ANKH: variants seen among roughly 807,000 people sequenced by gnomAD.
ANKH encodes the protein mineralization regulator ANKH.
ANKH carries 15 observed loss-of-function variants against 49.0 expected under a neutral mutation model. The observed-to-expected ratio is 0.31, with a 90% CI of 0.20 to 0.47. ANKH has a LOEUF of 0.47. Among genes scored for constraint, ANKH ranks in the 20% least tolerant of loss-of-function variants. The pLI is 1.00. For synonymous variants in ANKH, 273 were observed against 260.0 expected (o/e 1.05, Z -0.48); for missense variants, 429 against 652.0 (o/e 0.66, Z 3.72).
At chr5:14,730,782 T>C (rs1737973577) in intron 8 of ANKH, among the ~76,000 whole-genome samples, 1 of 152,192 alleles carries the variant, frequency 6.6e-6, no homozygotes, top group Non-Finnish European at 1.5e-5. Context: ...GCGTTTCCTT[T>C]CCCTGTGCCT....
chr5:14,869,607 C>G (rs563785836), intron 1 of ANKH: 41 of 152,348 alleles, frequency 2.7e-4, no homozygotes, highest in Admixed American at 2.6e-3. Context: ...GATAAACCAT[C>G]TGGATAGTTG....
intron 1 of ANKH, among the ~76,000 whole-genome samples, chr5:14,803,191 C>A (rs886294320): frequency 6.6e-6 from 1 of 152,172 alleles, no homozygotes; most frequent in African/African-American, 2.4e-5. Context: ...GTTTGAAAGC[C>A]CCTCCTGCAA....
chr5:14,740,379 G>A (rs908905591), intron 8 of ANKH, among the ~76,000 whole-genome samples: 1 of 152,196 alleles, frequency 6.6e-6, no homozygotes, highest in Non-Finnish European at 1.5e-5. Flanking sequence ...AGGGAACTAT[G>A]GAAAAGCTTG....
At chr5:14,751,535 A>T (rs978873403) in intron 4 of ANKH, among the ~76,000 whole-genome samples, 2 of 152,252 alleles carry the variant, frequency 1.3e-5, no homozygotes, top group Non-Finnish European at 2.9e-5. Context: ...CTTTAAAAAA[A>T]TTTATGCAAT....
At chr5:14,736,618 G>A (rs1738192615) in intron 8 of ANKH, among the ~76,000 whole-genome samples, 1 of 151,932 alleles carries the variant, frequency 6.6e-6, no homozygotes, top group African/African-American at 2.4e-5. Context: ...CTCTTTTTCT[G>A]ACCAGTCTCT....
At chr5:14,853,824 T>C (rs1488773086) in intron 1 of ANKH, among the ~76,000 whole-genome samples, 1 of 152,094 alleles carries the variant, frequency 6.6e-6, no homozygotes, top group African/African-American at 2.4e-5. Flanking sequence ...CATAAACCCA[T>C]ACAAGGAAGC....
At chr5:14,721,929 CAAAAAAAAA>C (rs35821509) in intron 8 of ANKH, among the ~76,000 whole-genome samples, 9 of 59,456 alleles carry the variant, frequency 1.5e-4, no homozygotes, top group Admixed American at 4.8e-4. Flanking sequence ...GACTCCGTCT[CAAAAAAAAA>C]AAAAAAAAAA....
chr5:14,793,101 T>G (rs1314266075), intron 1 of ANKH, among the ~76,000 whole-genome samples: 2 of 135,668 alleles, frequency 1.5e-5, no homozygotes, highest in African/African-American at 2.7e-5. Context: ...AAATATTTAT[T>G]TATTTATATA....
intron 1 of ANKH, among the ~76,000 whole-genome samples, chr5:14,796,271 G>A (rs1436407119): frequency 2.0e-5 from 3 of 151,284 alleles, no homozygotes; most frequent in African/African-American, 7.3e-5. Flanking sequence ...CACCCAAAAT[G>A]GAGATGGCAT....
At position 14,755,786 on chromosome 5, in the gene ANKH, T is replaced by C; in HGVS notation, c.516+75A>G. 5 of 1,383,184 alleles carry C rather than the reference T, an allele frequency of 3.6e-6. No individual in the cohort carries two copies. The South Asian group carries it at 4.7e-5, about 13-fold the overall frequency. 85.7% of individuals were successfully genotyped at this position (1,383,184 alleles called of 1,614,324 possible). On this transcript the variant is annotated intron_variant, in intron 4 of 11. Transcript: ENST00000284268. ...CAGAGTGTACTGCACAGTGAATGAA[T>C]ATAAATCACACATCAGTTACACACG...
At chr5:14,795,391 C>T (rs1740340971) in intron 1 of ANKH, among the ~76,000 whole-genome samples, 1 of 152,160 alleles carries the variant, frequency 6.6e-6, no homozygotes, top group South Asian at 2.1e-4. Context: ...AGAGAGATCC[C>T]TACAATAATA....
chr5:14,834,663 C>T (rs1741604062), intron 1 of ANKH, among the ~76,000 whole-genome samples: 1 of 152,026 alleles, frequency 6.6e-6, no homozygotes, highest in African/African-American at 2.4e-5. Flanking sequence ...CACCTGTAAT[C>T]CCAGCTACTC....
intron 1 of ANKH, among the ~76,000 whole-genome samples, chr5:14,831,494 A>G (rs1741505104): frequency 1.3e-5 from 2 of 152,124 alleles, no homozygotes; most frequent in Non-Finnish European, 2.9e-5. Flanking sequence ...GCTGAAACTG[A>G]TATCATCCAC....
intron 1 of ANKH, among the ~76,000 whole-genome samples, chr5:14,845,533 T>C (rs1741934173): frequency 6.6e-6 from 1 of 152,164 alleles, no homozygotes; most frequent in Non-Finnish European, 1.5e-5. Flanking sequence ...TGACAGGGAC[T>C]TCTGAGTCCC....
chr5:14,832,556 T>C (rs1186100337), intron 1 of ANKH, among the ~76,000 whole-genome samples: 2 of 152,212 alleles, frequency 1.3e-5, no homozygotes, highest in Non-Finnish European at 2.9e-5. Context: ...TCAAGTCACC[T>C]AGAAAACACA....
chr5:14,829,309 C>A (rs1741439904), intron 1 of ANKH, among the ~76,000 whole-genome samples: 1 of 151,986 alleles, frequency 6.6e-6, no homozygotes, highest in Non-Finnish European at 1.5e-5. Context: ...AAGGCTTACC[C>A]AGAAATACTT....
At chr5:14,744,535 A>G (rs1040702658) in intron 7 of ANKH, among the ~76,000 whole-genome samples, 1 of 151,672 alleles carries the variant, frequency 6.6e-6, no homozygotes, top group African/African-American at 2.4e-5. Flanking sequence ...CTGATGGGGA[A>G]GTGGGAGCAG....
At chr5:14,757,430 A>ATATATATATATATTTTTTTTT (rs1379233165) in intron 3 of ANKH, among the ~76,000 whole-genome samples, 2 of 113,816 alleles carry the variant, frequency 1.8e-5, no homozygotes, top group African/African-American at 6.6e-5. Flanking sequence ...ATATATATAT[A>ATATATATATATATTTTTTTTT]TTTTTTTTTT....
intron 8 of ANKH, among the ~76,000 whole-genome samples, chr5:14,740,533 A>T (rs1013830608): frequency 6.6e-6 from 1 of 152,162 alleles, no homozygotes; most frequent in African/African-American, 2.4e-5. Context: ...TTCCACAGGG[A>T]CAGGCTGGCA....
Sources: allele counts gnomAD v4.1 joint callset (sites outside exome capture counted in the v4.1 genomes callset), GRCh38; gene constraint gnomAD v4.1.1; transcripts MANE v1.5; gene names NCBI Gene and HGNC (gene_info 2026-07-23, HGNC 2026-07-21).